The following PRKCE variants were observed in gnomAD, a reference collection of about 807,000 sequenced individuals.
The protein encoded by PRKCE is protein kinase C epsilon type.
PRKCE carries 16 observed loss-of-function variants against 85.4 expected under a neutral mutation model. That is an observed-to-expected ratio of 0.19 (90% CI 0.13 to 0.28). The LOEUF is 0.28. Ranked by LOEUF, PRKCE falls within the 10% of genes least tolerant of loss-of-function variation. PRKCE has a pLI of 1.00. For missense variants in PRKCE, 573 were observed against 975.2 expected, an observed-to-expected ratio of 0.59 and a Z score of 5.49; for synonymous variants, 388 against 371.5, an observed-to-expected ratio of 1.04 and a Z score of -0.51.
chr2:45,873,737 C>T (rs28651459), intron 2 of PRKCE, among the ~76,000 whole-genome samples: 27,742 of 152,226 alleles, frequency 0.18, 3,280 homozygotes, highest in East Asian at 0.41. Flanking sequence ...GACAGCTTGT[C>T]TCTTGCCTCA....
In PRKCE at chr2:45,913,124, T is replaced by C. The variant is rs912867040; in HGVS notation, c.413-63305T>C. ...GAAGGTGCTGTCAGAGAGCAGGAGATTCTCCTCAGAGTGTTTTGACTAGAC... is the reference window on the plus strand; with the variant it reads ...GAAGGTGCTGTCAGAGAGCAGGAGACTCTCCTCAGAGTGTTTTGACTAGAC... On this transcript the variant is annotated intron_variant, in intron 2 of 14. Transcript: ENST00000306156. 4.6e-5 allele frequency among the ~76,000 whole-genome samples: 7 copies of C among 152,322 alleles called. No homozygotes were observed. The South Asian group carries it at 6.2e-4, about 14-fold the overall frequency.
At chr2:45,890,210 G>T (rs1001424056) in intron 2 of PRKCE, among the ~76,000 whole-genome samples, 3 of 152,178 alleles carry the variant, frequency 2.0e-5, no homozygotes, top group Non-Finnish European at 2.9e-5. Flanking sequence ...AAAGCAGAAA[G>T]AATAATGTAG....
intron 10 of PRKCE, among the ~76,000 whole-genome samples, chr2:46,037,550 C>G (rs954052453): frequency 3.3e-5 from 5 of 152,310 alleles, no homozygotes; most frequent in South Asian, 2.1e-4. Context: ...GTTGGTAACA[C>G]TATAGCTGAG....
intron 6 of PRKCE, among the ~76,000 whole-genome samples, chr2:45,992,336 G>C (rs182173188): frequency 3.7e-4 from 56 of 152,248 alleles, no homozygotes; most frequent in African/African-American, 1.3e-3. Context: ...GCCGATCGTG[G>C]TCCCCGGAAA....
chr2:45,945,699 C>G (rs1272578543), intron 2 of PRKCE, among the ~76,000 whole-genome samples: 1 of 152,238 alleles, frequency 6.6e-6, no homozygotes, highest in African/African-American at 2.4e-5. Flanking sequence ...TCTTATTACC[C>G]CTTCCTCAGA....
At chr2:46,064,827 T>G (rs1239664629) in intron 10 of PRKCE, among the ~76,000 whole-genome samples, 2 of 152,236 alleles carry the variant, frequency 1.3e-5, no homozygotes, top group Non-Finnish European at 2.9e-5. Flanking sequence ...TGCTACTTGA[T>G]GCTCATCCAT....
chr2:45,986,203 A>G (rs1277693106), intron 6 of PRKCE, among the ~76,000 whole-genome samples: 1 of 152,246 alleles, frequency 6.6e-6, no homozygotes, highest in Admixed American at 6.5e-5. Flanking sequence ...AAGACACGAA[A>G]CATGGGGTTG....
chr2:45,685,460 A>T (rs1174934392), intron 1 of PRKCE: 1 of 152,182 alleles, frequency 6.6e-6, no homozygotes, highest in Non-Finnish European at 1.5e-5. Context: ...TGTTATTCAC[A>T]TGATTACTAT....
chr2:46,183,845 C>G (rs1166846046), intron 14 of PRKCE, among the ~76,000 whole-genome samples: 4 of 152,180 alleles, frequency 2.6e-5, no homozygotes, highest in Admixed American at 6.5e-5. Context: ...ACTACTGACC[C>G]CTTGAACTCA....
At chr2:45,920,524 T>C (rs1383946893) in intron 2 of PRKCE, among the ~76,000 whole-genome samples, 3 of 152,220 alleles carry the variant, frequency 2.0e-5, no homozygotes, top group Admixed American at 1.3e-4. Flanking sequence ...AACTGCTGAA[T>C]GGATAAATAA....
intron 2 of PRKCE, among the ~76,000 whole-genome samples, chr2:45,926,650 T>A (rs1199887839): frequency 3.9e-5 from 6 of 152,378 alleles, no homozygotes; most frequent in Admixed American, 3.3e-4. Context: ...TTTTTTTGTT[T>A]TGGTCATTAC....
intron 9 of PRKCE, among the ~76,000 whole-genome samples, chr2:46,009,670 A>G (rs1252672214): frequency 6.6e-6 from 1 of 152,234 alleles, no homozygotes; most frequent in African/African-American, 2.4e-5. Flanking sequence ...AATGTAATCC[A>G]AGAGAAATTG....
intron 10 of PRKCE, among the ~76,000 whole-genome samples, chr2:46,011,455 C>T (rs541865111): frequency 9.7e-4 from 148 of 152,250 alleles, no homozygotes; most frequent in Middle Eastern, 3.4e-3. Flanking sequence ...ATATCCTTCC[C>T]GTGTATCTGA....
At chr2:45,757,305 C>CAAAA (rs35603923) in intron 1 of PRKCE, among the ~76,000 whole-genome samples, 2 of 50,780 alleles carry the variant, frequency 3.9e-5, no homozygotes, top group Admixed American at 3.0e-4. Flanking sequence ...AGACTGTCTC[C>CAAAA]AAAAAAAAAA....
chr2:45,714,754 G>T lies in PRKCE; in HGVS notation c.348+62306G>T, dbSNP rs868658799. Reference sequence around the variant, plus strand: ...TCACTGGGTGTCTTCCCTGACTCAGGGGATGATGAGCCTTGAGCCTGTCCA... The same window carrying T: ...TCACTGGGTGTCTTCCCTGACTCAGTGGATGATGAGCCTTGAGCCTGTCCA... On this transcript the variant is annotated intron_variant, in intron 1 of 14. Coordinates refer to ENST00000306156, the MANE Select transcript of PRKCE (RefSeq NM_005400.3). Among the ~76,000 whole-genome samples, 8 of 152,302 alleles carry T rather than the reference G, an allele frequency of 5.3e-5. No homozygotes were observed. In the South Asian group the frequency reaches 1.7e-3, roughly 32 times the overall value.
chr2:46,061,184 G>C (rs757613276), intron 10 of PRKCE, among the ~76,000 whole-genome samples: 4 of 136,248 alleles, frequency 2.9e-5, no homozygotes, highest in African/African-American at 1.1e-4. Context: ...ATCAGGGCTC[G>C]CTGCAGCCTC....
chr2:46,157,045 CAGTG>C, intron 13 of PRKCE, among the ~76,000 whole-genome samples: 1 of 152,294 alleles, frequency 6.6e-6, no homozygotes, highest in African/African-American at 2.4e-5. Flanking sequence ...TTTTTCTACT[CAGTG>C]AGATCTTGCA....
At chr2:45,722,963 T>A (rs1448576015) in intron 1 of PRKCE, among the ~76,000 whole-genome samples, 1 of 152,100 alleles carries the variant, frequency 6.6e-6, no homozygotes, top group Non-Finnish European at 1.5e-5. Context: ...TAGCCGGGTG[T>A]GGTGGAGGGG....
chr2:45,739,090 C>T (rs1216912928), intron 1 of PRKCE, among the ~76,000 whole-genome samples: 1 of 152,234 alleles, frequency 6.6e-6, no homozygotes, highest in Non-Finnish European at 1.5e-5. Context: ...CAGACAAGAT[C>T]TTCCCAAGTG....
Sources: gnomAD v4.1 joint callset for allele counts (sites outside exome capture counted in the v4.1 genomes callset) on GRCh38, gnomAD v4.1.1 for gene constraint, MANE v1.5 for transcripts, NCBI Gene and HGNC (gene_info 2026-07-23, HGNC 2026-07-21) for gene names.